LGR5: variants seen among roughly 807,000 people sequenced by gnomAD.
LGR5 encodes the protein leucine rich repeat containing G protein-coupled receptor 5, also known as leucine-rich repeat-containing G protein-coupled receptor 5.
In LGR5, 54 loss-of-function variants were observed where a neutral mutation model predicts 76.7. That is an observed-to-expected ratio of 0.70 (90% CI 0.57 to 0.88). LGR5 has a LOEUF of 0.88. Ranked by LOEUF, LGR5 falls within the 40% of genes least tolerant of loss-of-function variation. The pLI is 0.00. For missense variants in LGR5, 1,078 were observed against 1,073.3 expected, an observed-to-expected ratio of 1.00 and a Z score of -0.06; for synonymous variants, 406 against 421.9, an observed-to-expected ratio of 0.96 and a Z score of 0.46.
At chr12:71,517,248 G>T (rs1875491172) in intron 2 of LGR5, among the ~76,000 whole-genome samples, 1 of 152,200 alleles carries the variant, frequency 6.6e-6, no homozygotes, top group Non-Finnish European at 1.5e-5. Flanking sequence ...TTAAATTGTT[G>T]TTTTTGTCAA....
chr12:71,498,745 T>A (rs1874450459), intron 1 of LGR5, among the ~76,000 whole-genome samples: 1 of 152,102 alleles, frequency 6.6e-6, no homozygotes, highest in Admixed American at 6.5e-5. Flanking sequence ...TGTATTATGC[T>A]AAAGGGGAAG....
At chr12:71,508,483 CA>C (rs1266666265) in intron 2 of LGR5, among the ~76,000 whole-genome samples, 1 of 151,790 alleles carries the variant, frequency 6.6e-6, no homozygotes, top group African/African-American at 2.4e-5. Flanking sequence ...CAGCCGGGCA[CA>C]GGGGCTCACA....
chr12:71,563,936 A>T (rs113800097), intron 8 of LGR5, among the ~76,000 whole-genome samples: 1 of 134,700 alleles, frequency 7.4e-6, no homozygotes, highest in Non-Finnish European at 1.5e-5. Context: ...ATGTACACAC[A>T]CACCGTGTAT....
chr12:71,493,559 G>T (rs34312462), intron 1 of LGR5, among the ~76,000 whole-genome samples: 17,425 of 150,870 alleles, frequency 0.12, 1,543 homozygotes, highest in African/African-American at 0.18. Flanking sequence ...CTCTCTTTAT[G>T]CTCCAGATAA....
chr12:71,500,012 G>A (rs934728475), intron 1 of LGR5, among the ~76,000 whole-genome samples: 4 of 152,052 alleles, frequency 2.6e-5, no homozygotes, highest in Non-Finnish European at 4.4e-5. Flanking sequence ...ATCCGGAAGC[G>A]AACTCTGTAG....
intron 15 of LGR5, 133 bp downstream of exon 15, chr12:71,579,062 C>T: frequency 2.7e-6 from 2 of 727,850 alleles, no homozygotes; most frequent in Non-Finnish European, 2.1e-6. Flanking sequence ...AGTCTCCTAA[C>T]CCTGGAGCAT....
Position 71,580,137 on chromosome 12 carries a change from C to T in LGR5, c.1407-141C>T, listed in dbSNP as rs1879027303. 5 of 669,884 alleles carry T rather than the reference C, an allele frequency of 7.5e-6. No individual in the cohort carries two copies. The South Asian group carries it at 1.2e-4, about 16-fold the overall frequency. 41.5% of individuals were successfully genotyped at this position (669,884 alleles called of 1,614,324 possible). On this transcript the variant is annotated intron_variant, in intron 15 of 17. Transcript: ENST00000266674. ...TTATAAATAGCACTGTAATGAACAC[C>T]TTTATGTGCATAACTTATACTTTGG...
In LGR5 at chr12:71,551,159, C is replaced by T. The variant is rs145066993; in HGVS notation, c.429-1914C>T. Among the ~76,000 whole-genome samples, 327 of 152,288 alleles carry T rather than the reference C, an allele frequency of 2.1e-3. 2 individuals are homozygous for T. Among genetic ancestry groups the T allele is most frequent in the African/African-American group, 6.7e-3 (278 of 41,562 alleles). On this transcript the variant is annotated intron_variant, in intron 4 of 17. Coordinates refer to ENST00000266674, the MANE Select transcript of LGR5 (RefSeq NM_003667.4). ...AACTCTTAAAATTTGCTCCAAGTGA[C>T]GTTATCTCAGCTATTATCAAAATGT...
rs181055432 is a variant in LGR5, at chr12:71,539,507, T to C, written c.428+4321T>C. Among the ~76,000 whole-genome samples, 207 of 152,344 alleles carry C rather than the reference T, an allele frequency of 1.4e-3. 1 individual carries two copies. The highest frequency in any genetic ancestry group is 4.9e-3 in the African/African-American group (202 of 41,592). On this transcript the variant is annotated intron_variant, in intron 4 of 17. Transcript: ENST00000266674. The stretch of plus-strand genomic sequence containing the variant: ...TTGTTTTGTTTTTTGAGTTGGAGTC[T>C]CACTCTGTTGCCCAGGCTGGAGTAC...
In LGR5 at chr12:71,553,032, G is replaced by A. The variant is rs758953935; in HGVS notation, c.429-41G>A. The A allele has an allele frequency of 3.8e-6, 6 of 1,583,218 alleles. 1 individual carries two copies. In the South Asian group the frequency reaches 4.4e-5, roughly 12 times the overall value. ...CCTGCAAAGTTGACCTTCTGCTTGG[G>A]CTTTGCTCTCTTTTCCATTCTTGCT... is the stretch of plus-strand genomic sequence containing the variant. On this transcript the variant is annotated intron_variant, in intron 4 of 17. Coordinates refer to ENST00000266674, the MANE Select transcript of LGR5 (RefSeq NM_003667.4).
chr12:71,525,941 A>G (rs574872729), intron 3 of LGR5, among the ~76,000 whole-genome samples: 5 of 151,888 alleles, frequency 3.3e-5, no homozygotes, highest in Admixed American at 6.6e-5. Context: ...TTATACCATT[A>G]TATATTTCTA....
intron 4 of LGR5, among the ~76,000 whole-genome samples, chr12:71,551,282 T>C (rs1877471624): frequency 6.6e-6 from 1 of 152,246 alleles, no homozygotes; most frequent in Non-Finnish European, 1.5e-5. Flanking sequence ...TGGCCAAAAG[T>C]GAGGAAGCTG....
At chr12:71,485,615 A>AG (rs1873791086) in intron 1 of LGR5, among the ~76,000 whole-genome samples, 1 of 152,116 alleles carries the variant, frequency 6.6e-6, no homozygotes. Context: ...CAGTACTCCC[A>AG]GCTACTGGAG....
chr12:71,482,373 G>A (rs1327690012), intron 1 of LGR5, among the ~76,000 whole-genome samples: 1 of 152,098 alleles, frequency 6.6e-6, no homozygotes, highest in Non-Finnish European at 1.5e-5. Context: ...TTCCTCTGAA[G>A]GCTCTCTCCT....
chr12:71,560,316 T>A lies in LGR5; in HGVS notation c.785+662T>A, dbSNP rs544022903. On this transcript the variant is annotated intron_variant, in intron 7 of 17. Transcript: ENST00000266674. ...ATAAAGTAAGCTAGAGAAAAGAAAA[T>A]GTTATTTAAAAAATTCTAAGAAACA... is the stretch of plus-strand genomic sequence containing the variant. 4.6e-5 allele frequency among the ~76,000 whole-genome samples: 7 copies of A among 152,296 alleles called. No homozygotes were observed. The East Asian group carries it at 1.2e-3, about 25-fold the overall frequency.
intron 12 of LGR5, among the ~76,000 whole-genome samples, chr12:71,572,087 T>A (rs1878635042): frequency 6.6e-6 from 1 of 151,760 alleles, no homozygotes; most frequent in African/African-American, 2.4e-5. Context: ...ATCAGCCTTT[T>A]TTTTTTTTTT....
At chr12:71,573,052 T>A (rs1592559391) in intron 13 of LGR5, 131 bp downstream of exon 13, 1 of 629,490 alleles carries the variant, frequency 1.6e-6, no homozygotes, top group South Asian at 2.4e-5. Context: ...CTATGAAACA[T>A]CAAGTATTTT....
At chr12:71,446,390 T>TA (rs150700114) in intron 1 of LGR5, among the ~76,000 whole-genome samples, 41 of 152,376 alleles carry the variant, frequency 2.7e-4, no homozygotes, top group Non-Finnish European at 4.7e-4. Flanking sequence ...CTGATAGTTG[T>TA]ATTGTGTTTC....
Position 71,553,123 on chromosome 12 carries a change from G to T in LGR5, c.479G>T (p.Gly160Val). ...ISYVPPSCFS[G>V]LHSLRHLWLD... Reference sequence around the variant, plus strand: ...TATGTGCCCCCAAGCTGTTTCAGTGGCCTGCATTCCCTGAGGCACCTGTGG... The same window carrying T: ...TATGTGCCCCCAAGCTGTTTCAGTGTCCTGCATTCCCTGAGGCACCTGTGG... Residue 160 changes from glycine to valine, a missense_variant, in exon 5 of 18, where the codon GGC (glycine) becomes GTC (valine). Gly to Val is a moderately radical substitution (Grantham distance 109). Coordinates refer to ENST00000266674, the MANE Select transcript of LGR5 (RefSeq NM_003667.4). 6.2e-7 allele frequency: 1 copy of T among 1,613,928 alleles called. No individual in the cohort carries two copies. Among genetic ancestry groups the T allele is most frequent in the Non-Finnish European group, 8.5e-7 (1 of 1,179,998 alleles).
Sources: allele counts gnomAD v4.1 joint callset (sites outside exome capture counted in the v4.1 genomes callset), GRCh38; gene constraint gnomAD v4.1.1; transcripts MANE v1.5; gene names NCBI Gene and HGNC (gene_info 2026-07-23, HGNC 2026-07-21).